CCDC171: variants seen among roughly 807,000 people sequenced by gnomAD.
CCDC171 encodes the protein coiled-coil domain containing 171.
Under a neutral mutation model 168.2 loss-of-function variants are expected in CCDC171, and 177 were observed. That is an observed-to-expected ratio of 1.05 (90% CI 0.93 to 1.19). The LOEUF (loss-of-function observed/expected upper bound fraction) is 1.19, where lower values mean the gene tolerates loss of function less well. Among genes scored for constraint, CCDC171 ranks in the 50% most tolerant of loss-of-function variants. The probability of loss-of-function intolerance (pLI) is 0.00; values close to 1 mark genes in which losing one functional copy is unlikely to be tolerated. For synonymous variants in CCDC171, 687 were observed against 540.8 expected (o/e 1.27, Z -3.75); for missense variants, 1,991 against 1,539.0 (o/e 1.29, Z -4.91).
intron 21 of CCDC171, among the ~76,000 whole-genome samples, chr9:15,844,494 C>T (rs368729663): frequency 2.0e-5 from 3 of 151,948 alleles, no homozygotes; most frequent in East Asian, 3.9e-4. Flanking sequence ...TTAGGACCCA[C>T]TGATGTATTT....
intron 24 of CCDC171, among the ~76,000 whole-genome samples, chr9:15,916,461 G>T (rs1054940533): frequency 1.3e-5 from 2 of 151,884 alleles, no homozygotes; most frequent in African/African-American, 2.4e-5. Flanking sequence ...AATTAAAGTC[G>T]AAGTGATAGA....
At chr9:15,905,250 A>G (rs533624631) in intron 24 of CCDC171, among the ~76,000 whole-genome samples, 232 of 152,324 alleles carry the variant, frequency 1.5e-3, no homozygotes, top group African/African-American at 5.2e-3. Context: ...CACTTATTCC[A>G]AAATTGACCA....
intron 3 of CCDC171, among the ~76,000 whole-genome samples, chr9:15,997,011 G>T (rs1832395486): frequency 6.6e-6 from 1 of 152,128 alleles, no homozygotes; most frequent in Admixed American, 6.5e-5. Context: ...GTCAGTTTGG[G>T]TCATTTGGGA....
the CCDC171 span, among the ~76,000 whole-genome samples, chr9:16,102,369 A>G: frequency 1.3e-5 from 2 of 151,844 alleles, no homozygotes; most frequent in African/African-American, 4.8e-5. Flanking sequence ...TGAGCTTGTC[A>G]CTTGTCTCAG....
chr9:15,906,558 C>T (rs1563976922), intron 24 of CCDC171, among the ~76,000 whole-genome samples: 2 of 152,160 alleles, frequency 1.3e-5, no homozygotes, highest in African/African-American at 4.8e-5. Context: ...AAACCCACAG[C>T]CAATATCATA....
intron 24 of CCDC171, among the ~76,000 whole-genome samples, chr9:15,902,690 A>G (rs1383360676): frequency 6.6e-6 from 1 of 152,182 alleles, no homozygotes; most frequent in East Asian, 1.9e-4. Flanking sequence ...TGGGTGCAGG[A>G]CAGTGGGTGC....
chr9:16,063,790 C>T (rs1264603155), downstream of CCDC171, among the ~76,000 whole-genome samples: 3 of 152,194 alleles, frequency 2.0e-5, no homozygotes, highest in African/African-American at 7.2e-5. Flanking sequence ...AATGCAAAGG[C>T]CTCCATTTTA....
Position 15,820,577 on chromosome 9 carries a change from A to G in CCDC171, c.3268-26125A>G, listed in dbSNP as rs1473780160. 4.2e-5 allele frequency among the ~76,000 whole-genome samples: 5 copies of G among 118,244 alleles called. 2 individuals carry two copies. Among genetic ancestry groups the G allele is most frequent in the Non-Finnish European group, 9.5e-5 (5 of 52,594 alleles). 77.6% of individuals were successfully genotyped at this position (118,244 alleles called of 152,430 possible). A position where few individuals can be genotyped will look rare whatever the true frequency, so the allele number is the denominator to read the frequency against. On this transcript the variant is annotated intron_variant, in intron 21 of 25. Transcript: ENST00000380701. Reference sequence around the variant, plus strand: ...ATAAACACCTCTATGCAAATAAACTAGAAAATCTAGAAGAAATGGATAAAT... The same window carrying G: ...ATAAACACCTCTATGCAAATAAACTGGAAAATCTAGAAGAAATGGATAAAT...
intron 24 of CCDC171, among the ~76,000 whole-genome samples, chr9:15,885,110 TG>T (rs1819212449): frequency 6.6e-6 from 1 of 152,256 alleles, no homozygotes; most frequent in African/African-American, 2.4e-5. Context: ...TGAAACATTT[TG>T]TCACCTTTTC....
intron 25 of CCDC171, among the ~76,000 whole-genome samples, chr9:15,965,884 T>A (rs958049054): frequency 6.6e-6 from 1 of 152,246 alleles, no homozygotes. Context: ...TCAAAGCCCG[T>A]ATTCTTTCCA....
chr9:15,668,997 T>C (rs1587851702), intron 9 of CCDC171, among the ~76,000 whole-genome samples: 1 of 152,154 alleles, frequency 6.6e-6, no homozygotes, highest in African/African-American at 2.4e-5. Context: ...AGCAGTATAT[T>C]GTTTTACCTG....
At chr9:15,847,137 A>G (rs1359324779) in intron 22 of CCDC171, among the ~76,000 whole-genome samples, 2 of 152,078 alleles carry the variant, frequency 1.3e-5, no homozygotes, top group African/African-American at 4.8e-5. Flanking sequence ...ATTAATGTGA[A>G]ATGTAAGACT....
At chr9:16,068,598 C>G in the CCDC171 span, among the ~76,000 whole-genome samples, 13 of 152,194 alleles carry the variant, frequency 8.5e-5, no homozygotes, top group Non-Finnish European at 1.8e-4. Flanking sequence ...GTTGTTTCGT[C>G]GTCTGTTAAT....
intron 21 of CCDC171, among the ~76,000 whole-genome samples, chr9:15,789,227 T>C (rs925572795): frequency 1.1e-4 from 17 of 152,234 alleles, no homozygotes; most frequent in African/African-American, 3.9e-4. Flanking sequence ...GGATTTCAGA[T>C]TATCAGATTT....
At chr9:15,649,633 C>A (rs1306855598) in intron 7 of CCDC171, among the ~76,000 whole-genome samples, 5 of 152,218 alleles carry the variant, frequency 3.3e-5, no homozygotes, top group South Asian at 2.1e-4. Context: ...ATGCAGCCAA[C>A]AGACACATGA....
intron 21 of CCDC171, among the ~76,000 whole-genome samples, chr9:15,800,327 C>G (rs184009249): frequency 6.6e-6 from 1 of 152,156 alleles, no homozygotes; most frequent in East Asian, 1.9e-4. Context: ...AAGATGATAC[C>G]TCATTGTAAT....
the CCDC171 span, among the ~76,000 whole-genome samples, chr9:16,105,782 G>C: frequency 6.6e-6 from 1 of 152,122 alleles, no homozygotes; most frequent in Admixed American, 6.5e-5. Context: ...ACGGTTTTTG[G>C]CCAGAGTCCT....
At chr9:15,950,122 A>G (rs1828945027) in intron 25 of CCDC171, among the ~76,000 whole-genome samples, 1 of 152,196 alleles carries the variant, frequency 6.6e-6, no homozygotes, top group South Asian at 2.1e-4. Context: ...ATATGGGACT[A>G]TGTGAAAAGA....
chr9:15,723,801 A>G (rs2053638532), intron 13 of CCDC171, 55 bp downstream of exon 13: 2 of 859,256 alleles, frequency 2.3e-6, no homozygotes, highest in Non-Finnish European at 3.6e-6. Flanking sequence ...ATAGTTATCT[A>G]GGGAATATTT....
Sources: gnomAD v4.1 joint callset for allele counts (sites outside exome capture counted in the v4.1 genomes callset) on GRCh38, gnomAD v4.1.1 for gene constraint, MANE v1.5 for transcripts, NCBI Gene and HGNC (gene_info 2026-07-23, HGNC 2026-07-21) for gene names.